The following SYNE1 variants were observed in gnomAD, a reference collection of about 807,000 sequenced individuals.
The protein encoded by SYNE1 is spectrin repeat containing nuclear envelope protein 1.
Under a neutral mutation model 1,111.0 loss-of-function variants are expected in SYNE1, and 616 were observed. That is an observed-to-expected ratio of 0.55 (90% CI 0.52 to 0.59). The LOEUF is 0.59. Ranked by LOEUF, SYNE1 falls within the 20% of genes least tolerant of loss-of-function variation. The pLI, the probability that SYNE1 is intolerant of heterozygous loss-of-function variation, is 0.00. For missense variants in SYNE1, 10,006 were observed against 10,417.0 expected (o/e 0.96, Z 1.72); for synonymous variants, 3,855 against 3,825.8 (o/e 1.01, Z -0.28).
rs142529832 is a variant in SYNE1, at chr6:152,307,215, TA to T, written c.17346+1273del. Among the ~76,000 whole-genome samples, 283 of 152,252 alleles carry T rather than the reference TA, an allele frequency of 1.9e-3. 3 individuals carry two copies. The East Asian group carries it at 0.046, about 25-fold the overall frequency. On this transcript the variant is annotated intron_variant, in intron 91 of 145. Transcript: ENST00000367255. ...TAGATGATGTCTACAGTTGTTGGAG[TA>T]AATGTAGATGGGATATTTAAATGAT...
intron 136 of SYNE1, 120 bp downstream of exon 136, chr6:152,149,357 C>T: frequency 8.2e-7 from 1 of 1,212,870 alleles, no homozygotes; most frequent in Non-Finnish European, 1.2e-6. Flanking sequence ...AAAGCTAGGA[C>T]TTGAACTCAG....
At chr6:152,614,204 A>G (rs2099639785) in intron 3 of SYNE1, among the ~76,000 whole-genome samples, 2 of 152,196 alleles carry the variant, frequency 1.3e-5, no homozygotes, top group African/African-American at 4.8e-5. Context: ...CAGGCAACCT[A>G]CAGAATGGGA....
intron 34 of SYNE1, 77 bp downstream of exon 34, chr6:152,433,718 C>A: frequency 1.9e-6 from 3 of 1,551,486 alleles, no homozygotes; most frequent in Non-Finnish European, 2.7e-6. Flanking sequence ...TGGGACCGAA[C>A]AGCATTTGAT....
intron 113 of SYNE1, among the ~76,000 whole-genome samples, chr6:152,231,784 A>ATGTGTGTGTATG (rs1554249063): frequency 2.7e-5 from 4 of 148,946 alleles, no homozygotes; most frequent in East Asian, 4.0e-4. Flanking sequence ...ATACGTGTGT[A>ATGTGTGTGTATG]TGTGTGTGTG....
Position 152,397,227 on chromosome 6 carries a change from G to T in SYNE1, c.7351-247C>A, listed in dbSNP as rs551681. Among the ~76,000 whole-genome samples the T allele has an allele frequency of 0.39, 59,424 of 151,882 alleles. 12,085 individuals are homozygous for T. The highest frequency in any genetic ancestry group is 0.75 in the East Asian group (3,884 of 5,148). ...TGGAACCGAGGACGTTCTCACCAAG[G>T]TCTTGTTCTCAGTCTCTCCCCATTC... is the stretch of plus-strand genomic sequence containing the variant. On this transcript the variant is annotated intron_variant, in intron 49 of 145. Transcript: ENST00000367255.
At chr6:152,175,368 C>T (rs2066169381) in intron 130 of SYNE1, among the ~76,000 whole-genome samples, 1 of 152,232 alleles carries the variant, frequency 6.6e-6, no homozygotes, top group Non-Finnish European at 1.5e-5. Context: ...GTGGTGCCCA[C>T]ATGCGGTTTT....
At chr6:152,590,726 C>T (rs978732939) in intron 3 of SYNE1, among the ~76,000 whole-genome samples, 2 of 152,188 alleles carry the variant, frequency 1.3e-5, no homozygotes, top group African/African-American at 4.8e-5. Flanking sequence ...CCCACCTCCA[C>T]TCCATTGCTT....
At chr6:152,256,170 C>T (rs2090769628) in intron 102 of SYNE1, among the ~76,000 whole-genome samples, 1 of 152,130 alleles carries the variant, frequency 6.6e-6, no homozygotes, top group East Asian at 1.9e-4. Context: ...CCTGTAATCC[C>T]AGCACTTTGG....
At chr6:152,479,552 A>C (rs2098867750) in intron 14 of SYNE1, among the ~76,000 whole-genome samples, 1 of 152,176 alleles carries the variant, frequency 6.6e-6, no homozygotes, top group African/African-American at 2.4e-5. Context: ...TGGGCAAGTC[A>C]CTTAACCTCT....
Position 152,225,301 on chromosome 6 carries a change from ACG to A in SYNE1, c.21351+418_21351+419del, listed in dbSNP as rs1554234425. ...CGCAAACACACACACACACACACACACGCACACACACACACACACTCAGATAA... is the reference window on the plus strand; with the variant it reads ...CGCAAACACACACACACACACACACACACACACACACACACACTCAGATAA... On this transcript the variant is annotated intron_variant, in intron 116 of 145. Transcript: ENST00000367255. Among the ~76,000 whole-genome samples, 221 of 110,866 alleles carry A rather than the reference ACG, an allele frequency of 2.0e-3. 1 individual carries two copies. The highest frequency in any genetic ancestry group is 7.4e-3 in the African/African-American group (209 of 28,304). The allele number at this position is 110,866 out of a possible 152,430, so 72.7% of individuals were successfully genotyped here. A position where few individuals can be genotyped will look rare whatever the true frequency, so the allele number is the denominator to read the frequency against.
intron 42 of SYNE1, among the ~76,000 whole-genome samples, chr6:152,411,672 G>GAGTT (rs753927562): frequency 6.6e-6 from 1 of 151,844 alleles, no homozygotes; most frequent in South Asian, 2.1e-4. Flanking sequence ...CAGTGCCTAT[G>GAGTT]AGTTAGTTAG....
intron 128 of SYNE1, among the ~76,000 whole-genome samples, chr6:152,182,887 G>T (rs1339655189): frequency 1.3e-5 from 2 of 152,146 alleles, no homozygotes; most frequent in Middle Eastern, 3.2e-3. Context: ...TCTGGGTTGG[G>T]TGACACTGGT....
chr6:152,459,681 T>C (rs866937944), intron 21 of SYNE1, among the ~76,000 whole-genome samples: 1 of 152,312 alleles, frequency 6.6e-6, no homozygotes, highest in South Asian at 2.1e-4. Flanking sequence ...AGGTGTCTAC[T>C]CTTCATCCTC....
In SYNE1 at chr6:152,311,089, C is replaced by T. The variant is rs2095532148; in HGVS notation, c.16711-216G>A. 3 of 600,714 alleles carry T rather than the reference C, an allele frequency of 5.0e-6. No individual in the cohort carries two copies. In the South Asian group the frequency reaches 5.6e-5, roughly 11 times the overall value. The allele number at this position is 600,714 out of a possible 1,614,324, so 37.2% of individuals were successfully genotyped here. A position where few individuals can be genotyped will look rare whatever the true frequency, so the allele number is the denominator to read the frequency against. ...CAGTTTAGGAACTGTAAACAATGTGCAGAGGTCACATGTCATACTACGTGT... is the reference window on the plus strand; with the variant it reads ...CAGTTTAGGAACTGTAAACAATGTGTAGAGGTCACATGTCATACTACGTGT... On this transcript the variant is annotated intron_variant, in intron 87 of 145. Coordinates refer to ENST00000367255, the MANE Select transcript of SYNE1 (RefSeq NM_182961.4).
At chr6:152,522,043 C>T (rs1378965361) in intron 5 of SYNE1, among the ~76,000 whole-genome samples, 1 of 151,648 alleles carries the variant, frequency 6.6e-6, no homozygotes, top group East Asian at 1.9e-4. Flanking sequence ...TCAATTTTAC[C>T]TTTTTCTGCT....
Position 152,330,275 on chromosome 6 carries a change from C to T in SYNE1, c.14410G>A (p.Val4804Met), listed in dbSNP as rs951937750. 9 of 1,614,160 alleles carry T rather than the reference C, an allele frequency of 5.6e-6. No individual in the cohort carries two copies. The East Asian group carries it at 1.8e-4, about 32-fold the overall frequency. ...TCTGCAGGCAGCGTTTCCTCATTCA[C>T]TTTGGACTGCTCCTCTTTTACAGAC... is the stretch of plus-strand genomic sequence containing the variant. ...LKSVKEEQSK[V>M]NEETLPAEEK... Residue 4804 changes from valine (V) to methionine (M), a missense_variant, in exon 78 of 146, where the codon GTG becomes ATG. By Grantham distance (21) the Val-to-Met change is conservative. Coordinates refer to ENST00000367255, the MANE Select transcript of SYNE1 (RefSeq NM_182961.4).
chr6:152,462,940 C>T lies in SYNE1; in HGVS notation c.2098-50G>A, dbSNP rs7776344. 0.14 allele frequency: 226,295 copies of T among 1,600,770 alleles called. 19,630 individuals are homozygous for T. The highest frequency in any genetic ancestry group is 0.43 in the East Asian group (19,085 of 44,766). On this transcript the variant is annotated intron_variant, in intron 19 of 145. Coordinates refer to ENST00000367255, the MANE Select transcript of SYNE1 (RefSeq NM_182961.4). ...CATCGTGAAAGCCATTTAGCTGCGA[C>T]CACTGGAACCACAACTTTCACTTTC...
intron 3 of SYNE1, among the ~76,000 whole-genome samples, chr6:152,565,839 G>T (rs2099411744): frequency 6.6e-6 from 1 of 152,118 alleles, no homozygotes; most frequent in Non-Finnish European, 1.5e-5. Context: ...CAACTAAGGG[G>T]GAGGAACTGT....
rs536362962 is a variant in SYNE1 at position 152,472,268 on chromosome 6, A to C, written c.1463+33T>G. ...AAAGCGTCCACCTAGTGTTTTAAAA[A>C]GAGACTTCCTTTAAATGCAGATATT... On this transcript the variant is annotated intron_variant, in intron 15 of 145. Coordinates refer to ENST00000367255, the MANE Select transcript of SYNE1 (RefSeq NM_182961.4). 40 of 1,566,182 alleles carry C rather than the reference A, an allele frequency of 2.6e-5. 1 individual carries two copies. Among genetic ancestry groups the C allele is most frequent in the African/African-American group, 1.9e-4 (14 of 73,916 alleles).
Sources: allele counts gnomAD v4.1 joint callset (sites outside exome capture counted in the v4.1 genomes callset), GRCh38; gene constraint gnomAD v4.1.1; transcripts MANE v1.5; gene names NCBI Gene and HGNC (gene_info 2026-07-23, HGNC 2026-07-21).